GTF2B: variants seen among roughly 807,000 people sequenced by gnomAD.
GTF2B encodes transcription initiation factor IIB.
In GTF2B, 20 loss-of-function variants were observed where a neutral mutation model predicts 34.6. The ratio of observed to expected loss-of-function variants is 0.58; its 90% CI spans 0.41 to 0.84. The LOEUF is 0.84. Among genes scored for constraint, GTF2B ranks in the 40% least tolerant of loss-of-function variants. GTF2B has a pLI of 0.00. For synonymous variants in GTF2B, 142 were observed against 132.4 expected (o/e 1.07, Z -0.50); for missense variants, 237 against 393.3 (o/e 0.60, Z 3.36).
Position 88,873,775 on chromosome 1 carries a change from T to C in GTF2B, c.125-9661A>G, listed in dbSNP as rs1016210724. On this transcript the variant is annotated intron_variant, in intron 2 of 6. Coordinates refer to ENST00000370500, the MANE Select transcript of GTF2B (RefSeq NM_001514.6). ...AAAAGTAAGGATACATCTTTTCTTA[T>C]GACATAAACTAGAGTTGTACACATC... Among the ~76,000 whole-genome samples the C allele has an allele frequency of 2.0e-5, 3 of 152,316 alleles. No homozygotes were observed. In the South Asian group the frequency reaches 6.2e-4, roughly 32 times the overall value.
intron 2 of GTF2B, among the ~76,000 whole-genome samples, chr1:88,880,772 C>T (rs536446932): frequency 4.6e-5 from 7 of 152,084 alleles, no homozygotes; most frequent in Admixed American, 1.3e-4. Context: ...TTTGGGAGGC[C>T]GAGGCTGGGG....
rs11546874 is a variant in GTF2B, at chr1:88,891,526, C to T, written c.-27G>A. ...TTCACGGCGACTGCGGTGCCCGCAA[C>T]AAGACACAACAGACACACCGAAAGC... On this transcript the variant is annotated 5_prime_UTR_variant, in exon 1 of 7. Coordinates refer to ENST00000370500, the MANE Select transcript of GTF2B (RefSeq NM_001514.6). 1 of 1,597,628 alleles carries T rather than the reference C, an allele frequency of 6.3e-7. No individual in the cohort carries two copies. Among genetic ancestry groups the T allele is most frequent in the Non-Finnish European group, 8.5e-7 (1 of 1,170,290 alleles).
intron 2 of GTF2B, among the ~76,000 whole-genome samples, chr1:88,881,321 T>C (rs1300806937): frequency 6.6e-6 from 1 of 152,192 alleles, no homozygotes; most frequent in African/African-American, 2.4e-5. Flanking sequence ...ATCTAGGTTT[T>C]ATTAAGTACC....
chr1:88,888,999 C>A (rs917016753), intron 1 of GTF2B, among the ~76,000 whole-genome samples: 1 of 151,988 alleles, frequency 6.6e-6, no homozygotes, highest in African/African-American at 2.4e-5. Context: ...AACTGAGCTG[C>A]CCACTTTTAA....
At chr1:88,870,264 A>T (rs1421490226) in intron 2 of GTF2B, among the ~76,000 whole-genome samples, 1 of 152,204 alleles carries the variant, frequency 6.6e-6, no homozygotes, top group East Asian at 1.9e-4. Flanking sequence ...CGGTCTTTGT[A>T]TCTTGATTAA....
intron 2 of GTF2B, among the ~76,000 whole-genome samples, chr1:88,875,384 T>G (rs1338100390): frequency 6.6e-6 from 1 of 152,136 alleles, no homozygotes; most frequent in Non-Finnish European, 1.5e-5. Flanking sequence ...TAGTGGAAAA[T>G]AGTGAGGAAA....
chr1:88,863,221 T>A (rs901166225), intron 3 of GTF2B, among the ~76,000 whole-genome samples: 1 of 152,220 alleles, frequency 6.6e-6, no homozygotes, highest in African/African-American at 2.4e-5. Context: ...CTATAAGTAC[T>A]CTTATTCTCA....
chr1:88,858,360 T>C (rs1286475479), intron 5 of GTF2B, among the ~76,000 whole-genome samples: 1 of 152,210 alleles, frequency 6.6e-6, no homozygotes, highest in African/African-American at 2.4e-5. Context: ...TACAACTAAA[T>C]TTCTTTAAAT....
chr1:88,860,395 C>T, intron 3 of GTF2B, 109 bp from the exon 4 acceptor site: 1 of 728,628 alleles, frequency 1.4e-6, no homozygotes, highest in Non-Finnish European at 2.3e-6. Flanking sequence ...GACCAGAAAT[C>T]TGAATTGTGC....
intron 3 of GTF2B, 93 bp downstream of exon 3, chr1:88,863,888 C>T (rs2100966694): frequency 9.4e-7 from 1 of 1,061,788 alleles, no homozygotes. Context: ...AGATTCCCCA[C>T]TGGTGCAGTG....
chr1:88,855,069 A>C (rs1433094956), intron 6 of GTF2B, among the ~76,000 whole-genome samples: 1 of 152,224 alleles, frequency 6.6e-6, no homozygotes, highest in Non-Finnish European at 1.5e-5. Flanking sequence ...CAACAAGATT[A>C]ATGTTTTCAT....
intron 3 of GTF2B, among the ~76,000 whole-genome samples, chr1:88,862,960 T>C (rs1673475662): frequency 6.7e-6 from 1 of 149,650 alleles, no homozygotes; most frequent in Non-Finnish European, 1.5e-5. Flanking sequence ...AAGACTTTTT[T>C]GGAAAAAAAA....
Position 88,880,884 on chromosome 1 carries a change from T to G in GTF2B, c.124+6377A>C, listed in dbSNP as rs558505698. Among the ~76,000 whole-genome samples, 26 of 151,940 alleles carry G rather than the reference T, an allele frequency of 1.7e-4. 2 individuals carry two copies. Among genetic ancestry groups the G allele is most frequent in the African/African-American group, 6.0e-4 (25 of 41,474 alleles). ...ATTAGCTGGGAGTGGCAGTGCATAC[T>G]TTTAACCCCAGCTACTCGAGTGGCT... is the stretch of plus-strand genomic sequence containing the variant. On this transcript the variant is annotated intron_variant, in intron 2 of 6. Transcript: ENST00000370500.
intron 3 of GTF2B, 136 bp downstream of exon 3, chr1:88,863,845 T>G: frequency 4.2e-6 from 3 of 713,180 alleles, no homozygotes; most frequent in Non-Finnish European, 7.3e-6. Flanking sequence ...TCATTCACAA[T>G]GATATTACTG....
In GTF2B at chr1:88,860,158, A is replaced by C; in HGVS notation, c.387T>G (p.Asn129Lys). Residue 129 changes from asparagine (N) to lysine (K), a missense_variant, in exon 4 of 7, where the codon AAT (asparagine) becomes AAG (lysine). By Grantham distance (94) the Asn-to-Lys change is moderately conservative. Transcript: ENST00000370500. The part of the protein sequence containing the change: ...KEITTMADRI[N>K]LPRNIVDRTN... ...AACTTACAACTATATTTCGAGGTAGATTGATTCTGTCTGCCATGGTAGTGA... is the reference window on the plus strand; with the variant it reads ...AACTTACAACTATATTTCGAGGTAGCTTGATTCTGTCTGCCATGGTAGTGA... 6.2e-7 allele frequency: 1 copy of C among 1,614,146 alleles called. No individual in the cohort carries two copies. Among genetic ancestry groups the C allele is most frequent in the Non-Finnish European group, 8.5e-7 (1 of 1,179,986 alleles).
At chr1:88,855,956 T>G (rs780974856) in intron 6 of GTF2B, among the ~76,000 whole-genome samples, 5 of 152,046 alleles carry the variant, frequency 3.3e-5, no homozygotes, top group African/African-American at 4.8e-5. Flanking sequence ...TAGAAAGGAG[T>G]AGTCACTTCT....
At chr1:88,891,382 C>G in intron 1 of GTF2B, 101 bp downstream of exon 1, 1 of 832,518 alleles carries the variant, frequency 1.2e-6, no homozygotes, top group Non-Finnish European at 2.0e-6. Flanking sequence ...TCTCCCATAC[C>G]CCTAGGCGCT....
Position 88,857,263 on chromosome 1 carries a change from C to T in GTF2B, c.760G>A (p.Ala254Thr). 6.2e-7 allele frequency: 1 copy of T among 1,614,018 alleles called. No homozygotes were observed. Among genetic ancestry groups the T allele is most frequent in the Non-Finnish European group, 8.5e-7 (1 of 1,179,924 alleles). The change falls in exon 6 of 7, where the codon GCA becomes ACA. Residue 254 changes from alanine to threonine, a missense_variant. Transcript: ENST00000370500. ...LVPGRSPISV[A>T]AAAIYMASQA... ...GAGGCCATGTAAATAGCTGCCGCTG[C>T]CACAGAGATGGGGCTCCTCCCAGGA...
At chr1:88,887,467 T>C in intron 1 of GTF2B, 100 bp from the exon 2 acceptor site, 1 of 753,122 alleles carries the variant, frequency 1.3e-6, no homozygotes, top group Non-Finnish European at 2.4e-6. Flanking sequence ...GTGAACGTTT[T>C]TTCATACATA....
Sources: gnomAD v4.1 joint callset for allele counts (sites outside exome capture counted in the v4.1 genomes callset) on GRCh38, gnomAD v4.1.1 for gene constraint, MANE v1.5 for transcripts, NCBI Gene and HGNC (gene_info 2026-07-23, HGNC 2026-07-21) for gene names.